CCDC73: variants seen among roughly 807,000 people sequenced by gnomAD.
CCDC73 encodes coiled-coil domain containing 73.
A neutral mutation model predicts 116.5 loss-of-function variants in CCDC73; 95 were observed. The ratio of observed to expected loss-of-function variants is 0.82; its 90% confidence interval spans 0.69 to 0.97. The LOEUF (loss-of-function observed/expected upper bound fraction) is 0.97. CCDC73 is among the 50% of genes least tolerant of loss of function. The probability of loss-of-function intolerance (pLI) is 0.00; values close to 1 mark genes in which losing one functional copy is unlikely to be tolerated. For synonymous variants in CCDC73, 398 were observed against 401.3 expected, an observed-to-expected ratio of 0.99 and a Z score of 0.10; for missense variants, 1,066 against 1,206.8, an observed-to-expected ratio of 0.88 and a Z score of 1.73.
chr11:32,615,856 G>A (rs767480192), intron 15 of CCDC73, 84 bp downstream of exon 15: 3 of 1,193,590 alleles, frequency 2.5e-6, no homozygotes, highest in Non-Finnish European at 3.5e-6. Context: ...ATGAAGAGGG[G>A]AGGCAGAATG....
upstream of CCDC73, among the ~76,000 whole-genome samples, chr11:32,796,188 G>A (rs1407358217): frequency 2.0e-5 from 3 of 152,170 alleles, no homozygotes; most frequent in South Asian, 2.1e-4. Flanking sequence ...TCACCATCTC[G>A]TCTGGTATAT....
At chr11:32,742,920 C>T (rs1240259179) in intron 2 of CCDC73, among the ~76,000 whole-genome samples, 1 of 152,120 alleles carries the variant, frequency 6.6e-6, no homozygotes, top group Non-Finnish European at 1.5e-5. Context: ...AGAATCTTTT[C>T]CCCATTGCTT....
At chr11:32,701,105 C>A (rs936647329) in intron 4 of CCDC73, among the ~76,000 whole-genome samples, 1 of 152,176 alleles carries the variant, frequency 6.6e-6, no homozygotes, top group African/African-American at 2.4e-5. Flanking sequence ...GATCTTCCCA[C>A]CTCGGTCTCC....
chr11:32,658,154 C>T (rs1855891672), intron 9 of CCDC73, among the ~76,000 whole-genome samples: 1 of 152,152 alleles, frequency 6.6e-6, no homozygotes, highest in Admixed American at 6.5e-5. Flanking sequence ...TACAGGTGTG[C>T]TAATCATTCT....
chr11:32,653,454 T>C (rs1159283198), intron 11 of CCDC73, among the ~76,000 whole-genome samples: 2 of 152,192 alleles, frequency 1.3e-5, no homozygotes, highest in African/African-American at 2.4e-5. Context: ...AACTGTGGAT[T>C]CTAAGACACA....
intron 17 of CCDC73, among the ~76,000 whole-genome samples, chr11:32,608,680 AC>A (rs1855385163): frequency 6.6e-6 from 1 of 152,074 alleles, no homozygotes; most frequent in Admixed American, 6.5e-5. Context: ...GGGGGCTCTG[AC>A]CCCACATTTC....
chr11:32,824,294 G>A, the CCDC73 span, among the ~76,000 whole-genome samples: 1 of 152,054 alleles, frequency 6.6e-6, no homozygotes, highest in Non-Finnish European at 1.5e-5. Flanking sequence ...TATAATTTGT[G>A]TTTACAGATA....
intron 3 of CCDC73, among the ~76,000 whole-genome samples, chr11:32,705,367 C>T (rs947073900): frequency 3.9e-5 from 6 of 152,116 alleles, no homozygotes; most frequent in African/African-American, 1.4e-4. Flanking sequence ...CATCTCCAAG[C>T]TTCTGGGCAC....
At chr11:32,807,662 T>A in the CCDC73 span, among the ~76,000 whole-genome samples, 1 of 152,058 alleles carries the variant, frequency 6.6e-6, no homozygotes, top group Non-Finnish European at 1.5e-5. Flanking sequence ...CCAAGATAAT[T>A]CTTCTTGTTC....
At chr11:32,633,825 T>C (rs1030813423) in intron 14 of CCDC73, among the ~76,000 whole-genome samples, 14 of 152,136 alleles carry the variant, frequency 9.2e-5, no homozygotes, top group African/African-American at 3.1e-4. Context: ...ATAAACCACA[T>C]TGTTTGTACT....
chr11:32,666,921 C>G (rs1855988807), intron 9 of CCDC73, among the ~76,000 whole-genome samples: 1 of 152,136 alleles, frequency 6.6e-6, no homozygotes. Context: ...TGCTGGAGGT[C>G]CACTCCAGAC....
chr11:32,657,013 TAGAG>T (rs1855880110), intron 9 of CCDC73, among the ~76,000 whole-genome samples: 1 of 152,186 alleles, frequency 6.6e-6, no homozygotes, highest in African/African-American at 2.4e-5. Flanking sequence ...TACTATCACA[TAGAG>T]AGTTATTAGA....
intron 6 of CCDC73, among the ~76,000 whole-genome samples, chr11:32,693,883 C>G (rs992445858): frequency 3.9e-5 from 6 of 152,200 alleles, no homozygotes; most frequent in Admixed American, 3.9e-4. Context: ...GCTAAAAACT[C>G]TCAATAAACT....
chr11:32,685,802 A>G (rs1590593361), intron 6 of CCDC73, among the ~76,000 whole-genome samples: 1 of 144,084 alleles, frequency 6.9e-6, no homozygotes, highest in East Asian at 2.1e-4. Context: ...GCTCACTGCA[A>G]CCTCTGCCTC....
chr11:32,729,809 G>A (rs1047752691), intron 2 of CCDC73, among the ~76,000 whole-genome samples: 1 of 152,026 alleles, frequency 6.6e-6, no homozygotes, highest in Non-Finnish European at 1.5e-5. Context: ...TCTTTCAACA[G>A]TGAAAAAATC....
Position 32,614,323 on chromosome 11 carries a change from T to C in CCDC73, c.1995A>G (p.Ile665Met). The C allele has an allele frequency of 3.1e-6, 5 of 1,611,674 alleles. No homozygotes were observed. The highest frequency in any genetic ancestry group is 4.2e-6 in the Non-Finnish European group (5 of 1,178,408). ...LDDKQCKIKQ[I>M]QLLTKKSECS... ...ACTCACTTTTTTTAGTTAACAGTTG[T>C]ATTTGTTTTATTTTACATTGTTTAT... Residue 665 changes from isoleucine (I) to methionine (M), a missense_variant, in exon 16 of 18, where the codon ATA becomes ATG. Ile to Met is a conservative substitution (Grantham distance 10). Transcript: ENST00000335185.
In CCDC73 at chr11:32,760,106, T is replaced by C. The variant is rs1176683151; in HGVS notation, c.135+3A>G. On this transcript the variant is annotated splice_donor_region_variant and intron_variant, in intron 2 of 17. Transcript: ENST00000335185. ...AACAAAAGCATTTTAAAAAGGAGCT[T>C]ACCCTTCTCATACGCAATTCTTCTA... is the stretch of plus-strand genomic sequence containing the variant. 1 of 1,595,596 alleles carries C rather than the reference T, an allele frequency of 6.3e-7. No individual in the cohort carries two copies. Among genetic ancestry groups the C allele is most frequent in the East Asian group, 2.2e-5 (1 of 44,656 alleles).
At chr11:32,715,497 C>T (rs555985388) in intron 3 of CCDC73, among the ~76,000 whole-genome samples, 28 of 122,520 alleles carry the variant, frequency 2.3e-4, no homozygotes, top group African/African-American at 6.8e-4. Context: ...CTGATACACA[C>T]GCACACACAC....
rs1590558883 is a variant in CCDC73, at chr11:32,635,366, A to T, written c.1185+330T>A. 2.0e-5 allele frequency among the ~76,000 whole-genome samples: 3 copies of T among 152,302 alleles called. No homozygotes were observed. The South Asian group carries it at 6.2e-4, about 32-fold the overall frequency. ...TGTACTGGCTTAAGTATAGACATAT[A>T]ATCAATGGATCATAATAAAGAGTCC... is the stretch of plus-strand genomic sequence containing the variant. On this transcript the variant is annotated intron_variant, in intron 14 of 17. Coordinates refer to ENST00000335185, the MANE Select transcript of CCDC73 (RefSeq NM_001008391.4).
Sources: allele counts gnomAD v4.1 joint callset (sites outside exome capture counted in the v4.1 genomes callset), GRCh38; gene constraint gnomAD v4.1.1; transcripts MANE v1.5; gene names NCBI Gene and HGNC (gene_info 2026-07-23, HGNC 2026-07-21).